The following AUTS2 variants were observed in gnomAD, a reference collection of about 807,000 sequenced individuals.
AUTS2 encodes the protein autism susceptibility gene 2 protein.
Under a neutral mutation model 112.4 loss-of-function variants are expected in AUTS2, and 17 were observed. The observed-to-expected ratio is 0.15, with a 90% CI of 0.10 to 0.23. AUTS2 has a LOEUF of 0.23. Ranked by LOEUF, AUTS2 falls within the 10% of genes least tolerant of loss-of-function variation. The pLI, the probability that AUTS2 is intolerant of heterozygous loss-of-function variation, is 1.00. For synonymous variants in AUTS2, 751 were observed against 702.7 expected (o/e 1.07, Z -1.09); for missense variants, 1,510 against 1,701.6 (o/e 0.89, Z 1.98).
chr7:70,768,321 A>G (rs1332397606), intron 10 of AUTS2, among the ~76,000 whole-genome samples: 2 of 152,228 alleles, frequency 1.3e-5, no homozygotes, highest in Non-Finnish European at 2.9e-5. Context: ...GCAGTCAGGC[A>G]TCTGTCCTGC....
intron 1 of AUTS2, among the ~76,000 whole-genome samples, chr7:69,816,105 T>C (rs1051169835): frequency 2.6e-5 from 4 of 152,166 alleles, no homozygotes; most frequent in Non-Finnish European, 5.9e-5. Flanking sequence ...GTAATAGAAA[T>C]GATGCCTAGG....
At chr7:70,577,300 T>C (rs2129526561) in intron 5 of AUTS2, among the ~76,000 whole-genome samples, 1 of 152,342 alleles carries the variant, frequency 6.6e-6, no homozygotes, top group South Asian at 2.1e-4. Flanking sequence ...GGCCCATCTG[T>C]TATAAATAAG....
intron 5 of AUTS2, among the ~76,000 whole-genome samples, chr7:70,673,146 C>G (rs1388295015): frequency 6.6e-6 from 1 of 152,148 alleles, no homozygotes; most frequent in Non-Finnish European, 1.5e-5. Flanking sequence ...ACCAGCAACC[C>G]AACGCGAGTG....
chr7:69,885,430 G>A (rs976837611), intron 1 of AUTS2, among the ~76,000 whole-genome samples: 1 of 152,166 alleles, frequency 6.6e-6, no homozygotes, highest in Admixed American at 6.5e-5. Context: ...TTTTCAGAAG[G>A]AGTTCGGCTA....
intron 5 of AUTS2, among the ~76,000 whole-genome samples, chr7:70,518,601 G>A (rs1023634017): frequency 7.9e-5 from 12 of 151,790 alleles, no homozygotes; most frequent in Admixed American, 3.3e-4. Flanking sequence ...GGAGAATGGC[G>A]TGAACCAGGA....
chr7:70,042,088 T>C (rs545856869), intron 2 of AUTS2, among the ~76,000 whole-genome samples: 3 of 152,268 alleles, frequency 2.0e-5, no homozygotes, highest in African/African-American at 7.2e-5. Context: ...GTGTGTGTTA[T>C]TGGAAAGTGG....
At chr7:70,183,833 CT>C (rs60689973) in intron 4 of AUTS2, among the ~76,000 whole-genome samples, 15,380 of 137,854 alleles carry the variant, frequency 0.11, 837 homozygotes, top group Admixed American at 0.16. Flanking sequence ...CTGTCTTTTT[CT>C]TTTTTTTTTT....
chr7:69,858,204 A>T (rs974489836), intron 1 of AUTS2, among the ~76,000 whole-genome samples: 2 of 152,218 alleles, frequency 1.3e-5, no homozygotes, highest in African/African-American at 2.4e-5. Flanking sequence ...TTCGTGTGGT[A>T]GGTCCAAAAT....
intron 5 of AUTS2, among the ~76,000 whole-genome samples, chr7:70,555,832 T>A (rs1801224362): frequency 6.7e-6 from 1 of 149,722 alleles, no homozygotes; most frequent in African/African-American, 2.5e-5. Flanking sequence ...AGACAGAGTC[T>A]CGTCGCTCTG....
chr7:70,245,683 A>G (rs1027833715), intron 4 of AUTS2, among the ~76,000 whole-genome samples: 6 of 151,988 alleles, frequency 3.9e-5, no homozygotes, highest in South Asian at 2.1e-4. Context: ...TCCATTTTTG[A>G]TTTGTTAGAA....
At chr7:70,775,771 TAGTA>T (rs1790646945) in intron 13 of AUTS2, among the ~76,000 whole-genome samples, 1 of 152,214 alleles carries the variant, frequency 6.6e-6, no homozygotes, top group Admixed American at 6.5e-5. Context: ...CCTCTTTCTG[TAGTA>T]AGTGACATTG....
intron 5 of AUTS2, among the ~76,000 whole-genome samples, chr7:70,572,724 A>G (rs1177489061): frequency 6.6e-6 from 1 of 152,184 alleles, no homozygotes; most frequent in African/African-American, 2.4e-5. Flanking sequence ...AATAAAGGTC[A>G]GAATCGGTGC....
intron 2 of AUTS2, among the ~76,000 whole-genome samples, chr7:69,995,279 T>C (rs1031514451): frequency 2.6e-5 from 4 of 152,182 alleles, no homozygotes; most frequent in South Asian, 2.1e-4. Context: ...CCCCTAACTT[T>C]ATATAAAAGC....
At chr7:69,621,591 T>A (rs948640107) in intron 1 of AUTS2, among the ~76,000 whole-genome samples, 1 of 152,218 alleles carries the variant, frequency 6.6e-6, no homozygotes, top group Non-Finnish European at 1.5e-5. Flanking sequence ...CACTGCACTG[T>A]ATGGCTTCCA....
At chr7:70,494,583 C>G (rs964085444) in intron 5 of AUTS2, among the ~76,000 whole-genome samples, 2 of 152,048 alleles carry the variant, frequency 1.3e-5, no homozygotes, top group Non-Finnish European at 2.9e-5. Flanking sequence ...CCCTCCCCCC[C>G]GACACTCAGA....
In AUTS2 at chr7:70,694,540, T is replaced by A. The variant is rs2129546843; in HGVS notation, c.691-4029T>A. 6.8e-6 allele frequency: 1 copy of A among 147,406 alleles called. No individual in the cohort carries two copies. The highest frequency in any genetic ancestry group is 2.1e-4 in the South Asian group (1 of 4,718). The allele number at this position is 147,406 out of a possible 1,614,324, so 9.1% of individuals were successfully genotyped here. On this transcript the variant is annotated intron_variant, in intron 5 of 18. Coordinates refer to ENST00000342771, the MANE Select transcript of AUTS2 (RefSeq NM_015570.4). The surrounding 1 kb of genome is among the most constrained non-coding windows in gnomAD (Gnocchi z 4.1). ...CCCTCCTCCCTCCCTCCGCACATGG[T>A]CTCCTTTGTCCTGTCGCCGCCGCCG... is the stretch of plus-strand genomic sequence containing the variant.
In AUTS2 at chr7:69,636,490, C is replaced by CCGG. The variant is rs1554337491; in HGVS notation, c.309+36529_309+36530insGGC. ...CCTCAAGTGATCCGCGCCCCCCCCC[C>CCGG]CCCTTGGCCTCCCAAAGTGCTAGGA... On this transcript the variant is annotated intron_variant, in intron 1 of 18. Transcript: ENST00000342771. Among the ~76,000 whole-genome samples the CCGG allele has an allele frequency of 2.1e-5, 2 of 96,846 alleles. 1 individual carries two copies. The highest frequency in any genetic ancestry group is 6.4e-4 in the East Asian group (2 of 3,114). 63.5% of individuals were successfully genotyped at this position (96,846 alleles called of 152,430 possible).
rs192866058 is a variant in AUTS2 at position 69,628,959 on chromosome 7, T to C, written c.309+28997T>C. On this transcript the variant is annotated intron_variant, in intron 1 of 18. Coordinates refer to ENST00000342771, the MANE Select transcript of AUTS2 (RefSeq NM_015570.4). ...GTTGACCCAGGATCTAAGGTCTTTA[T>C]TGCATTTGCGTAAACCATTTCATTT... Among the ~76,000 whole-genome samples, 626 of 152,344 alleles carry C rather than the reference T, an allele frequency of 4.1e-3. 5 individuals are homozygous for C. Among genetic ancestry groups the C allele is most frequent in the African/African-American group, 0.014 (584 of 41,576 alleles).
chr7:70,133,266 A>G (rs372485680), intron 3 of AUTS2, among the ~76,000 whole-genome samples: 15 of 152,294 alleles, frequency 9.8e-5, no homozygotes, highest in African/African-American at 3.4e-4. Context: ...TTCCTCCTCA[A>G]AGAGCTTAGC....
Sources: gnomAD v4.1 joint callset for allele counts (sites outside exome capture counted in the v4.1 genomes callset) on GRCh38, gnomAD v4.1.1 for gene constraint, Gnocchi (gnomAD v3.1) non-coding constraint, MANE v1.5 for transcripts, NCBI Gene and HGNC (gene_info 2026-07-23, HGNC 2026-07-21) for gene names.